GALNT17: variants seen among roughly 807,000 people sequenced by gnomAD.
GALNT17 encodes polypeptide N-acetylgalactosaminyltransferase 17.
Under a neutral mutation model 63.7 loss-of-function variants are expected in GALNT17, and 29 were observed. That is an observed-to-expected ratio of 0.46 (90% CI 0.34 to 0.62). GALNT17 has a LOEUF of 0.62. Among genes scored for constraint, GALNT17 ranks in the 20% least tolerant of loss-of-function variants. The pLI, the probability that GALNT17 is intolerant of heterozygous loss-of-function variation, is 0.01. For missense variants in GALNT17, 603 were observed against 799.6 expected (o/e 0.75, Z 2.97); for synonymous variants, 305 against 318.3 (o/e 0.96, Z 0.45).
intron 5 of GALNT17, among the ~76,000 whole-genome samples, chr7:71,511,452 C>G (rs1788354464): frequency 6.6e-6 from 1 of 152,144 alleles, no homozygotes; most frequent in South Asian, 2.1e-4. Flanking sequence ...GACTTTCACG[C>G]AGTGGCACAG....
chr7:71,508,629 T>C (rs551620197), intron 5 of GALNT17, among the ~76,000 whole-genome samples: 20 of 152,200 alleles, frequency 1.3e-4, no homozygotes, highest in African/African-American at 4.6e-4. Flanking sequence ...TAGGAGATGA[T>C]TGCAGGTCCT....
intron 2 of GALNT17, among the ~76,000 whole-genome samples, chr7:71,344,487 T>C (rs2116142018): frequency 6.6e-6 from 1 of 152,108 alleles, no homozygotes; most frequent in African/African-American, 2.4e-5. Context: ...TAGCCCTGGG[T>C]GGGGACTTTC....
At chr7:71,382,742 C>T (rs1225409668) in intron 2 of GALNT17, among the ~76,000 whole-genome samples, 2 of 151,962 alleles carry the variant, frequency 1.3e-5, no homozygotes, top group African/African-American at 4.8e-5. Context: ...AAGGGCAGTG[C>T]GTTCATTCGG....
chr7:71,296,036 T>C (rs1327320045), intron 1 of GALNT17, among the ~76,000 whole-genome samples: 2 of 152,150 alleles, frequency 1.3e-5, no homozygotes, highest in Non-Finnish European at 2.9e-5. Flanking sequence ...TTTATATGAG[T>C]TGTTTTAAGT....
chr7:71,159,749 C>T (rs1469342982), intron 1 of GALNT17, among the ~76,000 whole-genome samples: 1 of 149,918 alleles, frequency 6.7e-6, no homozygotes, highest in East Asian at 1.9e-4. Context: ...CTGTCAGTCG[C>T]TGGTGTCAGT....
intron 2 of GALNT17, among the ~76,000 whole-genome samples, chr7:71,352,296 T>C (rs886511042): frequency 3.9e-5 from 6 of 152,108 alleles, no homozygotes; most frequent in African/African-American, 1.4e-4. Context: ...GAGCTGTGAG[T>C]CCATGAAACC....
chr7:71,163,280 TAAAC>T (rs900133916), intron 1 of GALNT17, among the ~76,000 whole-genome samples: 2 of 152,200 alleles, frequency 1.3e-5, no homozygotes, highest in African/African-American at 2.4e-5. Flanking sequence ...TGATGCTTAT[TAAAC>T]AACCAAGTGG....
intron 1 of GALNT17, among the ~76,000 whole-genome samples, chr7:71,325,499 G>A (rs1162616505): frequency 6.6e-6 from 1 of 152,158 alleles, no homozygotes; most frequent in Admixed American, 6.6e-5. Flanking sequence ...TGCCTCCATC[G>A]TGTGTACCAT....
intron 6 of GALNT17, among the ~76,000 whole-genome samples, chr7:71,574,038 ACT>A (rs1789495516): frequency 6.6e-6 from 1 of 151,808 alleles, no homozygotes; most frequent in African/African-American, 2.4e-5. Context: ...CATGTACAAC[ACT>A]CTCTTTACCT....
chr7:71,175,189 C>T (rs1046513088), intron 1 of GALNT17, among the ~76,000 whole-genome samples: 3 of 151,536 alleles, frequency 2.0e-5, no homozygotes, highest in South Asian at 2.1e-4. Flanking sequence ...TCTATCCATC[C>T]GTCTATCTAT....
intron 5 of GALNT17, among the ~76,000 whole-genome samples, chr7:71,492,765 C>T (rs4392778): frequency 0.047 from 7,193 of 152,272 alleles, 590 homozygotes; most frequent in African/African-American, 0.17. Flanking sequence ...GAGTGTTTGA[C>T]GTATCGCTGT....
At chr7:71,491,628 C>T (rs1340568383) in intron 5 of GALNT17, among the ~76,000 whole-genome samples, 1 of 152,156 alleles carries the variant, frequency 6.6e-6, no homozygotes, top group Non-Finnish European at 1.5e-5. Flanking sequence ...CATCCTGATG[C>T]AATCAGAAGA....
chr7:71,537,722 A>T (rs1788823554), intron 5 of GALNT17, among the ~76,000 whole-genome samples: 1 of 152,182 alleles, frequency 6.6e-6, no homozygotes, highest in South Asian at 2.1e-4. Flanking sequence ...CTGAGGCAGG[A>T]GAATCACTTG....
intron 3 of GALNT17, among the ~76,000 whole-genome samples, chr7:71,415,056 A>G (rs1223652468): frequency 6.6e-6 from 1 of 152,096 alleles, no homozygotes; most frequent in Non-Finnish European, 1.5e-5. Context: ...GTTGCCCAGA[A>G]TGGAGTGCAG....
intron 9 of GALNT17, among the ~76,000 whole-genome samples, chr7:71,694,144 C>G (rs1791504779): frequency 6.6e-6 from 1 of 151,958 alleles, no homozygotes; most frequent in Admixed American, 6.6e-5. Flanking sequence ...GGAAACTCCC[C>G]TTTATAAAAC....
chr7:71,234,024 T>A (rs1447983497), intron 1 of GALNT17, among the ~76,000 whole-genome samples: 1 of 151,970 alleles, frequency 6.6e-6, no homozygotes, highest in Non-Finnish European at 1.5e-5. Context: ...AAGGGGGAAA[T>A]CTGCCCCCGT....
At chr7:71,386,961 T>C (rs1792957053) in intron 2 of GALNT17, among the ~76,000 whole-genome samples, 2 of 152,102 alleles carry the variant, frequency 1.3e-5, no homozygotes, top group Admixed American at 1.3e-4. Context: ...TTCATTTGGG[T>C]TCCCCCAGAA....
At chr7:71,659,152 C>T (rs971687342) in intron 6 of GALNT17, among the ~76,000 whole-genome samples, 1 of 152,196 alleles carries the variant, frequency 6.6e-6, no homozygotes, top group Admixed American at 6.5e-5. Context: ...GCCTACCTCT[C>T]CAATATTTTC....
chr7:71,544,124 CTTTT>C (rs60144462), intron 5 of GALNT17, among the ~76,000 whole-genome samples: 97,795 of 133,012 alleles, frequency 0.74, 35,168 homozygotes, highest in Middle Eastern at 0.81. Context: ...TTTCTTTTTT[CTTTT>C]TTTTTTTTTT....
Sources: gnomAD v4.1 joint callset for allele counts (sites outside exome capture counted in the v4.1 genomes callset) on GRCh38, gnomAD v4.1.1 for gene constraint, MANE v1.5 for transcripts, NCBI Gene and HGNC (gene_info 2026-07-23, HGNC 2026-07-21) for gene names.